EYS: variants seen among roughly 807,000 people sequenced by gnomAD.
EYS encodes EGF-like photoreceptor maintenance factor.
Under a neutral mutation model 282.1 loss-of-function variants are expected in EYS, and 250 were observed. That is an observed-to-expected ratio of 0.89 (90% confidence interval 0.80 to 0.98). The LOEUF (loss-of-function observed/expected upper bound fraction) is 0.98, where lower values mean the gene tolerates loss of function less well. EYS is among the 50% of genes least tolerant of loss of function. EYS has a pLI of 0.00. For missense variants in EYS, 4,016 were observed against 3,709.0 expected, an observed-to-expected ratio of 1.08 and a Z score of -2.15; for synonymous variants, 1,355 against 1,282.9, an observed-to-expected ratio of 1.06 and a Z score of -1.20.
intron 5 of EYS, among the ~76,000 whole-genome samples, chr6:65,432,667 G>T (rs555415214): frequency 6.6e-6 from 1 of 152,014 alleles, no homozygotes. Context: ...CATTTTGAAG[G>T]CTCCTCTTCT....
intron 26 of EYS, among the ~76,000 whole-genome samples, chr6:64,484,515 T>C (rs1464959707): frequency 6.6e-6 from 1 of 151,602 alleles, no homozygotes; most frequent in African/African-American, 2.4e-5. Context: ...TGGCTTGACA[T>C]TGAACTACTT....
intron 33 of EYS, among the ~76,000 whole-genome samples, chr6:64,006,380 T>C (rs942457926): frequency 6.6e-6 from 1 of 151,810 alleles, no homozygotes; most frequent in Non-Finnish European, 1.5e-5. Context: ...TAGGAGCAGA[T>C]ATTTTGGGCA....
chr6:64,961,452 C>CATAT (rs34407029), intron 14 of EYS, among the ~76,000 whole-genome samples: 15 of 149,248 alleles, frequency 1.0e-4, no homozygotes, highest in East Asian at 5.9e-4. Context: ...TCCAATATAT[C>CATAT]ATATATATAT....
intron 28 of EYS, among the ~76,000 whole-genome samples, chr6:64,423,808 G>A (rs62418119): frequency 6.6e-6 from 1 of 151,736 alleles, no homozygotes; most frequent in African/African-American, 2.4e-5. Context: ...ACTCCATCAT[G>A]GGGGAAAAAA....
chr6:65,129,173 G>T (rs1267250903), intron 12 of EYS, among the ~76,000 whole-genome samples: 1 of 151,954 alleles, frequency 6.6e-6, no homozygotes, highest in Admixed American at 6.6e-5. Flanking sequence ...ATTAAAGATG[G>T]ATTAAATAAA....
chr6:63,776,712 C>G (rs1463390063), intron 40 of EYS, among the ~76,000 whole-genome samples: 1 of 152,074 alleles, frequency 6.6e-6, no homozygotes, highest in Admixed American at 6.6e-5. Context: ...ATATATGGCT[C>G]TTAGGTTCAA....
chr6:64,237,793 A>T (rs1249991747), intron 30 of EYS, among the ~76,000 whole-genome samples: 1 of 152,206 alleles, frequency 6.6e-6, no homozygotes, highest in Non-Finnish European at 1.5e-5. Flanking sequence ...TATGAGAGCA[A>T]AGCAATACAG....
rs1489804813 is a variant in EYS at position 64,181,341 on chromosome 6, CTATT to C, written c.6424+49247_6424+49250del. ...TTCAGGTAAAGACTCTTTTAATACA[CTATT>C]TAATAAAAATAAAAGCAGATTATAT... is the stretch of plus-strand genomic sequence containing the variant. On this transcript the variant is annotated intron_variant, in intron 31 of 42. Coordinates refer to ENST00000503581, the MANE Select transcript of EYS (RefSeq NM_001142800.2). Among the ~76,000 whole-genome samples, 24 of 152,072 alleles carry C rather than the reference CTATT, an allele frequency of 1.6e-4. 1 individual carries two copies. Among genetic ancestry groups the C allele is most frequent in the South Asian group, 1.2e-3 (6 of 4,810 alleles).
chr6:64,910,549 G>A (rs960850674), intron 16 of EYS, among the ~76,000 whole-genome samples: 1 of 151,800 alleles, frequency 6.6e-6, no homozygotes, highest in African/African-American at 2.4e-5. Context: ...AATCACAAAG[G>A]AATAAACACA....
rs187246874 is a variant in EYS, at chr6:65,491,754, C to A, written c.749-1047G>T. 2.5e-3 allele frequency among the ~76,000 whole-genome samples: 379 copies of A among 152,200 alleles called. 12 individuals carry two copies. Among genetic ancestry groups the A allele is most frequent in the Admixed American group, 0.022 (339 of 15,268 alleles). On this transcript the variant is annotated intron_variant, in intron 4 of 42. Coordinates refer to ENST00000503581, the MANE Select transcript of EYS (RefSeq NM_001142800.2). Reference sequence around the variant, plus strand: ...GCTAAATTGTGCCCACCCACCGCCGCCAAATTCATATGTTGAAGTCCTATC... The same window carrying A: ...GCTAAATTGTGCCCACCCACCGCCGACAAATTCATATGTTGAAGTCCTATC...
chr6:64,140,041 A>G (rs146164912), intron 31 of EYS, among the ~76,000 whole-genome samples: 3,999 of 152,136 alleles, frequency 0.026, 62 homozygotes, highest in Non-Finnish European at 0.045. Context: ...GGATAAATGG[A>G]AAGTAAATAA....
At chr6:64,613,925 C>G (rs926992351) in intron 24 of EYS, among the ~76,000 whole-genome samples, 1 of 152,108 alleles carries the variant, frequency 6.6e-6, no homozygotes, top group African/African-American at 2.4e-5. Flanking sequence ...TTTACCAGAG[C>G]TTAGTTGACC....
chr6:64,827,268 T>C (rs1765088330), intron 19 of EYS, among the ~76,000 whole-genome samples: 1 of 151,982 alleles, frequency 6.6e-6, no homozygotes, highest in Non-Finnish European at 1.5e-5. Flanking sequence ...TTTTTTTATT[T>C]GAGGTCTTAC....
rs145435746 is a variant in EYS, at chr6:64,265,933, C to T, written c.6192-35109G>A. Reference sequence around the variant, plus strand: ...CTCTAGGTTTTTTGCCTCCATATTCCGTGTTAGTTGTTTTAATCATTCAGT... The same window carrying T: ...CTCTAGGTTTTTTGCCTCCATATTCTGTGTTAGTTGTTTTAATCATTCAGT... On this transcript the variant is annotated intron_variant, in intron 30 of 42. Transcript: ENST00000503581. 3.2e-3 allele frequency among the ~76,000 whole-genome samples: 486 copies of T among 152,032 alleles called. 2 individuals are homozygous for T. The highest frequency in any genetic ancestry group is 0.011 in the African/African-American group (451 of 41,504).
intron 31 of EYS, among the ~76,000 whole-genome samples, chr6:64,179,471 G>A (rs1240222146): frequency 6.6e-6 from 1 of 152,042 alleles, no homozygotes; most frequent in Non-Finnish European, 1.5e-5. Context: ...ATAAAACCGT[G>A]AGCTTATTAC....
At chr6:64,544,328 G>A (rs2149800930) in intron 26 of EYS, among the ~76,000 whole-genome samples, 1 of 152,308 alleles carries the variant, frequency 6.6e-6, no homozygotes, top group East Asian at 1.9e-4. Flanking sequence ...AGAAAGTGTT[G>A]CAATTAAGTG....
intron 11 of EYS, among the ~76,000 whole-genome samples, chr6:65,326,446 T>A (rs1476753488): frequency 6.6e-6 from 1 of 151,442 alleles, no homozygotes; most frequent in Non-Finnish European, 1.5e-5. Flanking sequence ...ATATGACTCA[T>A]ATATATGAGT....
chr6:64,716,433 A>G (rs1771395914), intron 22 of EYS, among the ~76,000 whole-genome samples: 1 of 152,178 alleles, frequency 6.6e-6, no homozygotes, highest in African/African-American at 2.4e-5. Context: ...TTGCCTTGTT[A>G]TCAACATTGG....
chr6:63,998,588 G>T (rs182335046), intron 34 of EYS, among the ~76,000 whole-genome samples: 1 of 152,252 alleles, frequency 6.6e-6, no homozygotes, highest in African/African-American at 2.4e-5. Context: ...TCAGCAAATT[G>T]CCTGGTCTCT....
Sources: allele counts gnomAD v4.1 joint callset (sites outside exome capture counted in the v4.1 genomes callset), GRCh38; gene constraint gnomAD v4.1.1; transcripts MANE v1.5; gene names NCBI Gene and HGNC (gene_info 2026-07-23, HGNC 2026-07-21).